VPS13B: variants seen among roughly 807,000 people sequenced by gnomAD.
VPS13B encodes the protein intermembrane lipid transfer protein VPS13B.
In VPS13B, 285 loss-of-function variants were observed where a neutral mutation model predicts 426.4. That is an observed-to-expected ratio of 0.67 (90% CI 0.61 to 0.74). The LOEUF is 0.74. Among genes scored for constraint, VPS13B ranks in the 30% least tolerant of loss-of-function variants. The pLI is 0.00. For synonymous variants in VPS13B, 1,676 were observed against 1,676.4 expected (o/e 1.00, Z 0.01); for missense variants, 4,537 against 4,782.6 (o/e 0.95, Z 1.51).
chr8:99,097,771 A>C (rs1417863835), intron 4 of VPS13B, among the ~76,000 whole-genome samples: 1 of 152,218 alleles, frequency 6.6e-6, no homozygotes, highest in East Asian at 1.9e-4. Context: ...ACTAAATTAT[A>C]ATAAAATATA....
At chr8:99,021,794 G>A (rs1841906807) in intron 2 of VPS13B, among the ~76,000 whole-genome samples, 1 of 152,016 alleles carries the variant, frequency 6.6e-6, no homozygotes, top group Non-Finnish European at 1.5e-5. Context: ...TATACTTTTT[G>A]TAGAGACGAG....
At chr8:99,118,332 C>T (rs991326148) in intron 7 of VPS13B, among the ~76,000 whole-genome samples, 1 of 152,134 alleles carries the variant, frequency 6.6e-6, no homozygotes, top group Non-Finnish European at 1.5e-5. Context: ...ACATACATTG[C>T]TACACTTCAC....
intron 17 of VPS13B, among the ~76,000 whole-genome samples, chr8:99,259,758 T>C (rs935215343): frequency 1.3e-5 from 2 of 152,064 alleles, no homozygotes; most frequent in African/African-American, 4.8e-5. Flanking sequence ...GAGTGTCTAG[T>C]AGTAAGTACA....
chr8:99,277,768 C>T (rs1348699842), intron 19 of VPS13B, among the ~76,000 whole-genome samples: 2 of 152,146 alleles, frequency 1.3e-5, no homozygotes, highest in Non-Finnish European at 2.9e-5. Flanking sequence ...GTTTCCCCTG[C>T]TATTAGAATT....
rs930980997 is a variant in VPS13B at position 99,818,841 on chromosome 8, G to A, written c.8574G>A (p.Leu2858=). The A allele has an allele frequency of 6.2e-7, 1 of 1,613,714 alleles. No homozygotes were observed. Among genetic ancestry groups the A allele is most frequent in the African/African-American group, 1.3e-5 (1 of 74,856 alleles). Residue 2858 remains leucine, a synonymous_variant, in exon 47 of 62, where the codon CTG becomes CTA. Coordinates refer to ENST00000357162, the MANE Select transcript of VPS13B (RefSeq NM_152564.5). The part of the protein sequence containing the change: ...IIPGKGQEKP[L]QNIEPDLVHH... The stretch of plus-strand genomic sequence containing the variant: ...CAGGAAAAGGGCAGGAAAAACCACT[G>A]CAAAACATAGAACCTGACCTTGTAC...
chr8:99,601,344 A>G (rs780683097), intron 33 of VPS13B, among the ~76,000 whole-genome samples: 4 of 152,012 alleles, frequency 2.6e-5, no homozygotes, highest in Non-Finnish European at 4.4e-5. Flanking sequence ...ATTTTTTATG[A>G]CTGCATAGTA....
At chr8:99,803,176 A>G (rs1485975911) in intron 43 of VPS13B, among the ~76,000 whole-genome samples, 1 of 152,232 alleles carries the variant, frequency 6.6e-6, no homozygotes, top group Non-Finnish European at 1.5e-5. Context: ...AATAGGTATT[A>G]CAAGTAAGAT....
At chr8:99,757,816 T>A (rs186291092) in intron 39 of VPS13B, among the ~76,000 whole-genome samples, 1 of 152,348 alleles carries the variant, frequency 6.6e-6, no homozygotes, top group East Asian at 1.9e-4. Context: ...CAGTTTATTA[T>A]GTATGGCTGG....
At chr8:99,044,851 TATACACAC>T (rs1168818998) in intron 3 of VPS13B, among the ~76,000 whole-genome samples, 1 of 81,924 alleles carries the variant, frequency 1.2e-5, no homozygotes, top group Non-Finnish European at 2.4e-5. Flanking sequence ...TATTCCATTT[TATACACAC>T]ACACACACAC....
chr8:99,697,277 G>A (rs1330476665), intron 35 of VPS13B: 2 of 579,860 alleles, frequency 3.4e-6, no homozygotes, highest in Admixed American at 2.8e-5. Flanking sequence ...ACAAGGAGCT[G>A]CAGAAGCGCT....
intron 33 of VPS13B, among the ~76,000 whole-genome samples, chr8:99,626,440 T>C (rs1428395848): frequency 5.3e-5 from 8 of 152,056 alleles, no homozygotes; most frequent in Non-Finnish European, 7.4e-5. Context: ...TCACAGGAAG[T>C]AGGGGAGGTG....
chr8:99,385,181 A>G (rs1266357258), intron 20 of VPS13B, among the ~76,000 whole-genome samples: 5 of 152,112 alleles, frequency 3.3e-5, no homozygotes, highest in Non-Finnish European at 1.5e-5. Flanking sequence ...CAGTTTTATT[A>G]TTTTCGTTTT....
chr8:99,802,167 AC>A (rs1318238325), intron 43 of VPS13B, among the ~76,000 whole-genome samples: 1 of 151,260 alleles, frequency 6.6e-6, no homozygotes, highest in Non-Finnish European at 1.5e-5. Context: ...AAAAAAAAAA[AC>A]AAGCTGTGGC....
At position 99,784,297 on chromosome 8, in the gene VPS13B, G is replaced by T. The variant is rs781012951; in HGVS notation, c.7780-18G>T. The T allele has an allele frequency of 6.2e-7, 1 of 1,613,426 alleles. No homozygotes were observed. Among genetic ancestry groups the T allele is most frequent in the African/African-American group, 1.3e-5 (1 of 74,960 alleles). On this transcript the variant is annotated intron_variant, in intron 42 of 61. Coordinates refer to ENST00000357162, the MANE Select transcript of VPS13B (RefSeq NM_152564.5). The stretch of plus-strand genomic sequence containing the variant: ...ATTAATCCGATCCATGTTGGCTTTC[G>T]TATCCTTTTTCTTTCAGAACAAATG...
intron 3 of VPS13B, among the ~76,000 whole-genome samples, chr8:99,088,335 T>C (rs1845956669): frequency 1.3e-5 from 2 of 152,292 alleles, no homozygotes; most frequent in South Asian, 4.1e-4. Flanking sequence ...TTTTCTGTTC[T>C]GAAATTTGCA....
intron 3 of VPS13B, among the ~76,000 whole-genome samples, chr8:99,086,493 T>G (rs951106123): frequency 1.3e-5 from 2 of 152,260 alleles, no homozygotes; most frequent in Admixed American, 1.3e-4. Context: ...TTTGTTCCAT[T>G]GCTGGTGAGG....
chr8:99,429,412 C>G (rs1295943993), intron 21 of VPS13B, among the ~76,000 whole-genome samples: 1 of 151,918 alleles, frequency 6.6e-6, no homozygotes, highest in Admixed American at 6.6e-5. Flanking sequence ...AGCCAAATAA[C>G]TTTTTTTCTG....
chr8:99,368,304 G>T (rs562082091), intron 19 of VPS13B, among the ~76,000 whole-genome samples: 12 of 152,148 alleles, frequency 7.9e-5, no homozygotes, highest in Non-Finnish European at 1.8e-4. Context: ...TTCAGTTGCA[G>T]TTCTAGCTCT....
chr8:99,285,124 A>G (rs1248293892), intron 19 of VPS13B, among the ~76,000 whole-genome samples: 2 of 152,178 alleles, frequency 1.3e-5, no homozygotes, highest in African/African-American at 4.8e-5. Context: ...CAAGGTAAAA[A>G]TTTGCAAACC....
Sources: gnomAD v4.1 joint callset for allele counts (sites outside exome capture counted in the v4.1 genomes callset) on GRCh38, gnomAD v4.1.1 for gene constraint, MANE v1.5 for transcripts, NCBI Gene and HGNC (gene_info 2026-07-23, HGNC 2026-07-21) for gene names.